Variants in AMOTL1 observed in about 807,000 individuals in gnomAD.
AMOTL1 encodes the protein angiomotin like 1.
AMOTL1 carries 45 observed loss-of-function variants against 102.9 expected under a neutral mutation model. That is an observed-to-expected ratio of 0.44 (90% CI 0.34 to 0.56). The LOEUF (loss-of-function observed/expected upper bound fraction) is 0.56. Among genes scored for constraint, AMOTL1 ranks in the 20% least tolerant of loss-of-function variants. The probability of loss-of-function intolerance (pLI) is 0.01; values close to 1 mark genes in which losing one functional copy is unlikely to be tolerated. For missense variants in AMOTL1, 1,114 were observed against 1,225.6 expected, an observed-to-expected ratio of 0.91 and a Z score of 1.36; for synonymous variants, 481 against 484.7, an observed-to-expected ratio of 0.99 and a Z score of 0.10.
intron 6 of AMOTL1, among the ~76,000 whole-genome samples, chr11:94,842,217 GAC>G (rs1952316514): frequency 6.6e-6 from 1 of 152,134 alleles, no homozygotes; most frequent in Admixed American, 6.5e-5. Flanking sequence ...TCACATATAA[GAC>G]ACGTCGGTTA....
intron 6 of AMOTL1, among the ~76,000 whole-genome samples, chr11:94,839,047 A>T (rs1952242075): frequency 6.6e-6 from 1 of 152,242 alleles, no homozygotes; most frequent in Admixed American, 6.5e-5. Flanking sequence ...AGAGTACCTT[A>T]AAGGTTACAA....
chr11:94,810,706 C>G (rs1951663063), intron 3 of AMOTL1, among the ~76,000 whole-genome samples: 3 of 151,468 alleles, frequency 2.0e-5, no homozygotes, highest in African/African-American at 7.3e-5. Context: ...CCTTATGCAG[C>G]AGAGTGTGGC....
Position 94,850,180 on chromosome 11 carries a change from AG to A in AMOTL1, c.1717del (p.Asp573ThrfsTer13), listed in dbSNP as rs1356555348. ...MELAAVRTAS[E>X]DHRRHIEILD... is the part of the protein sequence containing the mutation. Reference sequence around the variant, plus strand: ...TTAGCAGCAGTGCGGACTGCAAGTGAGGACCATCGGAGACACATCGAGATCC... The same window carrying A: ...TTAGCAGCAGTGCGGACTGCAAGTGAGACCATCGGAGACACATCGAGATCC... On this transcript the variant is annotated frameshift_variant, in exon 7 of 13. Transcript: ENST00000433060. LOFTEE classifies it high-confidence loss of function. 6.3e-7 allele frequency: 1 copy of A among 1,592,734 alleles called. No homozygotes were observed. The highest frequency in any genetic ancestry group is 8.6e-7 in the Non-Finnish European group (1 of 1,169,282).
intron 3 of AMOTL1, among the ~76,000 whole-genome samples, chr11:94,755,841 A>T (rs1236948142): frequency 2.0e-5 from 3 of 152,152 alleles, no homozygotes; most frequent in African/African-American, 7.2e-5. Flanking sequence ...TGCTGTCTGC[A>T]GGCCGCTTGT....
Position 94,870,799 on chromosome 11 carries a change from C to T in AMOTL1, c.*4C>T, listed in dbSNP as rs1019931589. The stretch of plus-strand genomic sequence containing the variant: ...GATGATGGAAGTCCTCATCTAACTG[C>T]CATCCCTGTGGAATTTCAGTACAGA... On this transcript the variant is annotated 3_prime_UTR_variant, in exon 13 of 13. Coordinates refer to ENST00000433060, the MANE Select transcript of AMOTL1 (RefSeq NM_130847.3). 3 of 1,584,186 alleles carry T rather than the reference C, an allele frequency of 1.9e-6. No individual in the cohort carries two copies. The highest frequency in any genetic ancestry group is 2.6e-6 in the Non-Finnish European group (3 of 1,162,690).
intron 3 of AMOTL1, among the ~76,000 whole-genome samples, chr11:94,812,376 G>C (rs542591190): frequency 2.6e-4 from 39 of 152,310 alleles, no homozygotes; most frequent in African/African-American, 8.9e-4. Flanking sequence ...GTAGATAAGA[G>C]ACAATCTGTT....
intron 3 of AMOTL1, among the ~76,000 whole-genome samples, chr11:94,750,302 C>T (rs192444505): frequency 1.3e-5 from 2 of 152,310 alleles, no homozygotes; most frequent in Admixed American, 6.5e-5. Context: ...CCCGTGAACA[C>T]CGTGATAATT....
chr11:94,830,953 C>T (rs1952057107), intron 5 of AMOTL1, among the ~76,000 whole-genome samples: 1 of 152,182 alleles, frequency 6.6e-6, no homozygotes, highest in Non-Finnish European at 1.5e-5. Flanking sequence ...TAAAGATTTA[C>T]CAAGTGGTTT....
Position 94,869,428 on chromosome 11 carries a change from C to T in AMOTL1, c.2719C>T (p.Pro907Ser). 1 of 1,604,554 alleles carries T rather than the reference C, an allele frequency of 6.2e-7. No homozygotes were observed. The highest frequency in any genetic ancestry group is 1.1e-5 in the South Asian group (1 of 89,134). Residue 907 changes from proline to serine, a missense_variant, in exon 12 of 13, where the codon CCC becomes TCC. Pro to Ser is a moderately conservative substitution (Grantham distance 74). Transcript: ENST00000433060. ...GRLSTTPAHS[P>S]VLKHPAAKGT... ...GCTGAGCACGACCCCTGCTCACAGC[C>T]CCGTCCTGAAACACCCAGCGGCCAA...
intron 2 of AMOTL1, among the ~76,000 whole-genome samples, chr11:94,738,775 A>C (rs939064755): frequency 6.6e-6 from 1 of 152,198 alleles, no homozygotes; most frequent in African/African-American, 2.4e-5. Flanking sequence ...GGCAGAGAAA[A>C]GGTCATGGAT....
chr11:94,842,844 C>T (rs1003047342), intron 6 of AMOTL1, among the ~76,000 whole-genome samples: 1 of 152,202 alleles, frequency 6.6e-6, no homozygotes, highest in African/African-American at 2.4e-5. Context: ...CCTCCCTTCC[C>T]TGTCCCTCTC....
rs984479094 is a variant in AMOTL1, at chr11:94,871,024, C to T, written c.*229C>T. On this transcript the variant is annotated 3_prime_UTR_variant, in exon 13 of 13. Transcript: ENST00000433060. ...TACACATGGTGGAAGAGAGAAGAGG[C>T]GTGTAGGTTTGCAAACAAAGTTAAG... The T allele has an allele frequency of 4.9e-5, 20 of 407,230 alleles. No individual in the cohort carries two copies. Among genetic ancestry groups the T allele is most frequent in the East Asian group, 1.5e-4 (4 of 27,482 alleles). 25.2% of individuals were successfully genotyped at this position (407,230 alleles called of 1,614,324 possible).
intron 5 of AMOTL1, among the ~76,000 whole-genome samples, chr11:94,830,711 A>G (rs1952052119): frequency 6.6e-6 from 1 of 152,224 alleles, no homozygotes; most frequent in Non-Finnish European, 1.5e-5. Flanking sequence ...GAAAGATAGG[A>G]GCCACCTGCT....
Position 94,719,656 on chromosome 11 carries a change from A to G in AMOTL1, c.-50-9265A>G, listed in dbSNP as rs572786375. On this transcript the variant is annotated intron_variant, in intron 1 of 4. Coordinates refer to the AMOTL1 transcript ENST00000299004. ...TTTGGAGGACACATAAAAAACTGCA[A>G]TAGTTACCTCTAGGGAGTGGAACCA... 3.9e-5 allele frequency among the ~76,000 whole-genome samples: 6 copies of G among 152,194 alleles called. No individual in the cohort carries two copies. The South Asian group carries it at 1.0e-3, about 26-fold the overall frequency.
chr11:94,732,861 A>C (rs1950376247), intron 2 of AMOTL1, among the ~76,000 whole-genome samples: 1 of 152,172 alleles, frequency 6.6e-6, no homozygotes, highest in Non-Finnish European at 1.5e-5. Context: ...GCGTCATAGA[A>C]ATTCAGTGGT....
chr11:94,799,397 T>A lies in AMOTL1; in HGVS notation c.207T>A (p.Asp69Glu). 1.3e-6 allele frequency: 2 copies of A among 1,564,928 alleles called. No homozygotes were observed. Among genetic ancestry groups the A allele is most frequent in the South Asian group, 2.3e-5 (2 of 85,284 alleles). ...TSSIREKVVEDPLCNFHSPNF... is the reference protein window; with the variant it reads ...TSSIREKVVEEPLCNFHSPNF... ...CCTATGTTTATCTTTTAGTTGAAGATCCTCTTTGTAACTTCCACTCCCCAA... is the reference window on the plus strand; with the variant it reads ...CCTATGTTTATCTTTTAGTTGAAGAACCTCTTTGTAACTTCCACTCCCCAA... Residue 69 changes from aspartate to glutamate, a missense_variant, in exon 3 of 13, where the codon GAT becomes GAA. Transcript: ENST00000433060. This position sits in a 1 kb window ranked among gnomAD's most constrained non-coding sequence, Gnocchi z 4.5.
chr11:94,781,942 T>G (rs889013788), intron 1 of AMOTL1, among the ~76,000 whole-genome samples: 2 of 152,186 alleles, frequency 1.3e-5, no homozygotes, highest in Non-Finnish European at 2.9e-5. Context: ...AGTCAGATAC[T>G]CAGAATAACA....
chr11:94,805,203 C>T (rs1951547968), intron 3 of AMOTL1, among the ~76,000 whole-genome samples: 1 of 152,214 alleles, frequency 6.6e-6, no homozygotes, highest in Non-Finnish European at 1.5e-5. Context: ...GAATATATCA[C>T]ATGTGATGTC....
intron 3 of AMOTL1, among the ~76,000 whole-genome samples, chr11:94,746,747 A>G (rs747737849): frequency 9.2e-5 from 14 of 151,650 alleles, no homozygotes; most frequent in Non-Finnish European, 1.6e-4. Context: ...GGACCCAAGC[A>G]TCAATGTTAT....
Sources: allele counts gnomAD v4.1 joint callset (sites outside exome capture counted in the v4.1 genomes callset), GRCh38; gene constraint gnomAD v4.1.1; non-coding constraint Gnocchi (gnomAD v3.1); transcripts MANE v1.5; gene names NCBI Gene and HGNC (gene_info 2026-07-23, HGNC 2026-07-21).